PDGFD: variants seen among roughly 807,000 people sequenced by gnomAD.
PDGFD encodes the protein platelet-derived growth factor D.
Under a neutral mutation model 44.7 loss-of-function variants are expected in PDGFD, and 30 were observed. The observed-to-expected ratio is 0.67, with a 90% CI of 0.50 to 0.91. The LOEUF (loss-of-function observed/expected upper bound fraction) is 0.91, where lower values mean the gene tolerates loss of function less well. Ranked by LOEUF, PDGFD falls within the 40% of genes least tolerant of loss-of-function variation. The pLI is 0.00. For missense variants in PDGFD, 445 were observed against 457.8 expected (o/e 0.97, Z 0.25); for synonymous variants, 173 against 168.4 (o/e 1.03, Z -0.21).
At chr11:103,925,885 C>T (rs147150840) in intron 6 of PDGFD, among the ~76,000 whole-genome samples, 79 of 151,740 alleles carry the variant, frequency 5.2e-4, no homozygotes, top group African/African-American at 1.8e-3. Context: ...CCTGCCATCA[C>T]GCCTGGCTAA....
chr11:103,967,658 C>G (rs191868468), intron 3 of PDGFD, among the ~76,000 whole-genome samples: 1 of 152,256 alleles, frequency 6.6e-6, no homozygotes, highest in African/African-American at 2.4e-5. Flanking sequence ...CTTCAAAACC[C>G]CTTCTCTAGA....
At chr11:104,041,592 T>TA (rs1038542676) in intron 1 of PDGFD, among the ~76,000 whole-genome samples, 1 of 152,108 alleles carries the variant, frequency 6.6e-6, no homozygotes, top group Admixed American at 6.6e-5. Flanking sequence ...TCAGGCCATT[T>TA]AAAAAATCCT....
chr11:104,109,780 AAAAG>A (rs1861525633), intron 1 of PDGFD, among the ~76,000 whole-genome samples: 1 of 152,150 alleles, frequency 6.6e-6, no homozygotes, highest in Non-Finnish European at 1.5e-5. Flanking sequence ...AGTTAAAAAA[AAAAG>A]AATGTTGCAA....
chr11:103,979,202 T>C (rs1357738760), intron 3 of PDGFD, among the ~76,000 whole-genome samples: 1 of 152,122 alleles, frequency 6.6e-6, no homozygotes, highest in Admixed American at 6.6e-5. Flanking sequence ...CAAATTTCTT[T>C]CTTTCCTTTA....
chr11:104,101,299 A>C (rs1159084960), intron 1 of PDGFD, among the ~76,000 whole-genome samples: 1 of 152,148 alleles, frequency 6.6e-6, no homozygotes, highest in East Asian at 1.9e-4. Context: ...GCATTTTTAC[A>C]CACCAATAAT....
Position 104,129,622 on chromosome 11 carries a change from G to A in PDGFD, c.124+34182C>T, listed in dbSNP as rs1328682421. ...TGCAAAAATTGCCATCTTAGAAGTT[G>A]CCACCTGAGATCCTCCTAAAGAAGA... On this transcript the variant is annotated intron_variant, in intron 1 of 6. Coordinates refer to ENST00000393158, the MANE Select transcript of PDGFD (RefSeq NM_025208.5). 2.6e-5 allele frequency among the ~76,000 whole-genome samples: 4 copies of A among 152,270 alleles called. No individual in the cohort carries two copies. The East Asian group carries it at 7.7e-4, about 29-fold the overall frequency.
intron 1 of PDGFD, among the ~76,000 whole-genome samples, chr11:104,056,116 C>T (rs1247201495): frequency 6.6e-6 from 1 of 152,054 alleles, no homozygotes; most frequent in Admixed American, 6.6e-5. Context: ...GTAAAGTTTT[C>T]TAAAAATGTA....
intron 3 of PDGFD, among the ~76,000 whole-genome samples, chr11:103,971,941 G>T (rs1385164018): frequency 1.3e-5 from 2 of 152,166 alleles, no homozygotes; most frequent in Non-Finnish European, 2.9e-5. Flanking sequence ...GATTATAGAA[G>T]AAAATGGTGA....
chr11:104,054,555 C>G (rs1695916215), intron 1 of PDGFD, among the ~76,000 whole-genome samples: 2 of 152,136 alleles, frequency 1.3e-5, no homozygotes, highest in South Asian at 4.1e-4. Flanking sequence ...TGATGAGATA[C>G]CATTTTTAGC....
intron 1 of PDGFD, among the ~76,000 whole-genome samples, chr11:104,109,917 T>C (rs1861527800): frequency 6.6e-6 from 1 of 152,110 alleles, no homozygotes; most frequent in Non-Finnish European, 1.5e-5. Context: ...CTTGAGCAGG[T>C]CATTTATTTT....
intron 1 of PDGFD, among the ~76,000 whole-genome samples, chr11:104,156,151 G>GAT (rs576398940): frequency 2.0e-4 from 30 of 151,932 alleles, no homozygotes; most frequent in African/African-American, 4.6e-4. Context: ...TGTTGTACAT[G>GAT]ATATATATAT....
At chr11:104,124,833 A>G (rs1027714945) in intron 1 of PDGFD, among the ~76,000 whole-genome samples, 1 of 152,236 alleles carries the variant, frequency 6.6e-6, no homozygotes, top group South Asian at 2.1e-4. Flanking sequence ...AAGAAATTTA[A>G]AGAGTCCAGA....
rs373390379 is a variant in PDGFD, at chr11:103,958,129, A to G, written c.511-10405T>C. Among the ~76,000 whole-genome samples the G allele has an allele frequency of 3.9e-5, 6 of 152,268 alleles. No homozygotes were observed. In the South Asian group the frequency reaches 8.3e-4, roughly 21 times the overall value. On this transcript the variant is annotated intron_variant, in intron 3 of 6. Coordinates refer to ENST00000393158, the MANE Select transcript of PDGFD (RefSeq NM_025208.5). ...GAGCACAGATTTTATGCCGGTGACT[A>G]TATGAAATACTTTCCATAAATTATC...
At chr11:104,129,821 C>T (rs1324598626) in intron 1 of PDGFD, among the ~76,000 whole-genome samples, 1 of 151,814 alleles carries the variant, frequency 6.6e-6, no homozygotes, top group Non-Finnish European at 1.5e-5. Context: ...CTAGCCTGGC[C>T]AACATGGTGA....
intron 5 of PDGFD, among the ~76,000 whole-genome samples, chr11:103,932,050 T>C (rs1042513417): frequency 3.3e-5 from 5 of 152,216 alleles, no homozygotes; most frequent in Admixed American, 2.6e-4. Flanking sequence ...TCAAAAGGCA[T>C]ATTCACTCTA....
At chr11:104,058,742 C>T (rs1408055768) in intron 1 of PDGFD, among the ~76,000 whole-genome samples, 3 of 152,162 alleles carry the variant, frequency 2.0e-5, no homozygotes, top group African/African-American at 7.2e-5. Flanking sequence ...TGAGCAAATG[C>T]CCATTGAATG....
chr11:104,061,064 C>T (rs1260465925), intron 1 of PDGFD, among the ~76,000 whole-genome samples: 1 of 152,088 alleles, frequency 6.6e-6, no homozygotes, highest in Non-Finnish European at 1.5e-5. Context: ...TATGAATTTG[C>T]ATGGTGTCTG....
intron 1 of PDGFD, among the ~76,000 whole-genome samples, chr11:104,104,782 C>T (rs960761549): frequency 6.6e-6 from 1 of 152,080 alleles, no homozygotes; most frequent in Non-Finnish European, 1.5e-5. Flanking sequence ...TACACAGAAA[C>T]TTCTCTGAAG....
rs75447876 is a variant in PDGFD, at chr11:104,031,027, C to G, written c.125-30772G>C. On this transcript the variant is annotated intron_variant, in intron 1 of 6. Transcript: ENST00000393158. The stretch of plus-strand genomic sequence containing the variant: ...AAAGCCTTAAATGTAATACGCAAAA[C>G]GATCAAAACCCTAGAAGAAAATCTA... 2.9e-3 allele frequency among the ~76,000 whole-genome samples: 445 copies of G among 152,216 alleles called. 2 individuals are homozygous for G. The highest frequency in any genetic ancestry group is 0.01 in the African/African-American group (430 of 41,530).
Sources: gnomAD v4.1 joint callset for allele counts (sites outside exome capture counted in the v4.1 genomes callset) on GRCh38, gnomAD v4.1.1 for gene constraint, MANE v1.5 for transcripts, NCBI Gene and HGNC (gene_info 2026-07-23, HGNC 2026-07-21) for gene names.